INO80C: variants seen among roughly 807,000 people sequenced by gnomAD.
INO80C encodes IES6 homolog.
In INO80C, 17 loss-of-function variants were observed where a neutral mutation model predicts 17.7. The observed-to-expected ratio is 0.96, with a 90% CI of 0.66 to 1.44. INO80C has a LOEUF of 1.44. Among genes scored for constraint, INO80C ranks in the 40% most tolerant of loss-of-function variants. INO80C has a pLI of 0.00. For missense variants in INO80C, 244 were observed against 245.0 expected (o/e 1.00, Z 0.03); for synonymous variants, 96 against 95.8 (o/e 1.00, Z -0.01).
At chr18:35,472,137 C>A (rs1196343167) in intron 4 of INO80C, among the ~76,000 whole-genome samples, 1 of 152,200 alleles carries the variant, frequency 6.6e-6, no homozygotes, top group African/African-American at 2.4e-5. Flanking sequence ...ATGGCTGGGT[C>A]AAATGGTATT....
chr18:35,468,615 G>C lies in INO80C; in HGVS notation c.575C>G (p.Pro192Arg), dbSNP rs1031925517. ...LALRKATSIV[P>R] ...CTTCATCTCCCTTTCTGGGGCTCAG[G>C]GAACGATGCTCGTGGCCTTCCTCAG... Residue 192 changes from proline to arginine, a missense_variant, in exon 5 of 5, where the codon CCC becomes CGC. Transcript: ENST00000334598. The C allele has an allele frequency of 1.2e-6, 2 of 1,613,986 alleles. No individual in the cohort carries two copies. The highest frequency in any genetic ancestry group is 2.7e-5 in the African/African-American group (2 of 74,906).
intron 1 of INO80C, among the ~76,000 whole-genome samples, chr18:35,483,043 C>T (rs1382273815): frequency 2.0e-5 from 3 of 152,154 alleles, no homozygotes; most frequent in Non-Finnish European, 4.4e-5. Context: ...TTTTCTGGTG[C>T]GATATCCATT....
Position 35,478,273 on chromosome 18 carries a change from C to A in INO80C, c.447+9G>T. ...CATTTAATGTTATAAGAGATATAAT[C>A]ATACTCACAAGCAGACCTGAAACAT... On this transcript the variant is annotated intron_variant, in intron 4 of 4. Transcript: ENST00000334598. 3 of 1,570,026 alleles carry A rather than the reference C, an allele frequency of 1.9e-6. No homozygotes were observed. Among genetic ancestry groups the A allele is most frequent in the Non-Finnish European group, 2.6e-6 (3 of 1,144,666 alleles).
At chr18:35,479,440 AC>A in intron 2 of INO80C, 29 bp from the exon 3 acceptor site, 1 of 1,426,154 alleles carries the variant, frequency 7.0e-7, no homozygotes, top group Non-Finnish European at 9.9e-7. Context: ...ATTAGAAGAA[AC>A]AAAAACCAAT....
intron 1 of INO80C, 102 bp downstream of exon 1, chr18:35,497,617 C>T: frequency 6.8e-7 from 1 of 1,471,214 alleles, no homozygotes; most frequent in Non-Finnish European, 9.0e-7. Flanking sequence ...ACGGAGACCG[C>T]ACGCGCAGCG....
chr18:35,483,481 G>GGA (rs1345961321), intron 1 of INO80C: 1 of 152,322 alleles, frequency 6.6e-6, no homozygotes, highest in Non-Finnish European at 1.5e-5. Flanking sequence ...AGGGGGACAA[G>GGA]GAGAGAGGGG....
intron 1 of INO80C, among the ~76,000 whole-genome samples, chr18:35,489,949 G>A (rs1162886584): frequency 6.6e-6 from 1 of 151,818 alleles, no homozygotes; most frequent in East Asian, 1.9e-4. Flanking sequence ...TTATGTAAGA[G>A]AATGACTTTG....
chr18:35,469,853 T>C (rs887953513), intron 4 of INO80C, among the ~76,000 whole-genome samples: 2 of 152,152 alleles, frequency 1.3e-5, no homozygotes, highest in Non-Finnish European at 2.9e-5. Context: ...GAATGACTAA[T>C]GAATGAATAA....
At chr18:35,478,402 C>T (rs1450375619) in intron 3 of INO80C, 53 bp from the exon 4 acceptor site, 2 of 1,330,718 alleles carry the variant, frequency 1.5e-6, no homozygotes, top group South Asian at 1.4e-5. Flanking sequence ...ACATTCAAAT[C>T]CCTTCTCTTT....
chr18:35,475,862 T>C (rs973851757), intron 4 of INO80C, among the ~76,000 whole-genome samples: 2 of 152,070 alleles, frequency 1.3e-5, no homozygotes, highest in Admixed American at 6.5e-5. Flanking sequence ...GAAATGAAGA[T>C]AAAAGAAAGT....
intron 4 of INO80C, among the ~76,000 whole-genome samples, chr18:35,477,658 T>C (rs1265638991): frequency 6.6e-6 from 1 of 152,222 alleles, no homozygotes; most frequent in African/African-American, 2.4e-5. Flanking sequence ...GGGGGTGTTC[T>C]GAGGTTCCTG....
intron 1 of INO80C, chr18:35,489,379 G>C (rs945164724): frequency 2.3e-5 from 6 of 256,902 alleles, no homozygotes; most frequent in Admixed American, 1.9e-4. Flanking sequence ...GAAGGCGAAA[G>C]GCACGTCTTA....
At position 35,480,062 on chromosome 18, in the gene INO80C, C is replaced by T. The variant is rs563843965; in HGVS notation, c.267+391G>A. On this transcript the variant is annotated intron_variant, in intron 2 of 4. Transcript: ENST00000334598. ...GTCTCAAGAATGAAAGGAAGAATAC[C>T]CTGTGTTCTACTCCACAGCACAACA... is the stretch of plus-strand genomic sequence containing the variant. 4.7e-4 allele frequency among the ~76,000 whole-genome samples: 71 copies of T among 151,912 alleles called. 1 individual carries two copies. The Middle Eastern group carries it at 0.01, about 22-fold the overall frequency.
Position 35,468,465 on chromosome 18 carries a change from C to A in INO80C, c.*146G>T. On this transcript the variant is annotated 3_prime_UTR_variant, in exon 5 of 5. Transcript: ENST00000334598. ...ACACACACTAAAAAAAAAAAAAACCCTTAAATTAAAGCCAAACATTCTTTC... is the reference window on the plus strand; with the variant it reads ...ACACACACTAAAAAAAAAAAAAACCATTAAATTAAAGCCAAACATTCTTTC... 1.4e-6 allele frequency: 2 copies of A among 1,459,568 alleles called. No individual in the cohort carries two copies. Among genetic ancestry groups the A allele is most frequent in the South Asian group, 1.5e-5 (1 of 67,314 alleles). 90.4% of individuals were successfully genotyped at this position (1,459,568 alleles called of 1,614,324 possible).
intron 4 of INO80C, among the ~76,000 whole-genome samples, chr18:35,472,005 T>C (rs1240015532): frequency 6.6e-6 from 1 of 152,220 alleles, no homozygotes; most frequent in Admixed American, 6.5e-5. Context: ...TCTATCGTTG[T>C]TGGACATTTG....
intron 1 of INO80C, among the ~76,000 whole-genome samples, chr18:35,485,350 G>T (rs375769059): frequency 6.6e-6 from 1 of 151,988 alleles, no homozygotes; most frequent in Non-Finnish European, 1.5e-5. Flanking sequence ...AATATATGAA[G>T]AACTCTACAA....
intron 1 of INO80C, among the ~76,000 whole-genome samples, chr18:35,481,140 G>A (rs908143459): frequency 3.3e-5 from 5 of 152,222 alleles, no homozygotes; most frequent in Non-Finnish European, 7.3e-5. Context: ...TGGCACAACA[G>A]GACATGGGCA....
At chr18:35,486,768 T>C (rs1371387844) in intron 1 of INO80C, among the ~76,000 whole-genome samples, 1 of 77,916 alleles carries the variant, frequency 1.3e-5, no homozygotes, top group African/African-American at 5.5e-5. Flanking sequence ...CCAGGCAACA[T>C]AGCAATACCC....
chr18:35,469,798 G>A (rs867751127), intron 4 of INO80C, among the ~76,000 whole-genome samples: 4 of 152,158 alleles, frequency 2.6e-5, no homozygotes, highest in South Asian at 2.1e-4. Context: ...CTAGTGCAAC[G>A]CAGAGTACAC....
Sources: gnomAD v4.1 joint callset for allele counts (sites outside exome capture counted in the v4.1 genomes callset) on GRCh38, gnomAD v4.1.1 for gene constraint, MANE v1.5 for transcripts, NCBI Gene and HGNC (gene_info 2026-07-23, HGNC 2026-07-21) for gene names.